JPH3: variants seen among roughly 807,000 people sequenced by gnomAD.
JPH3 encodes the protein junctophilin-3.
In JPH3, 11 loss-of-function variants were observed where a neutral mutation model predicts 59.6. The observed-to-expected ratio is 0.18, with a 90% CI of 0.12 to 0.31. The LOEUF is 0.31. Ranked by LOEUF, JPH3 falls within the 10% of genes least tolerant of loss-of-function variation. The pLI is 1.00. For missense variants in JPH3, 1,202 were observed against 1,105.7 expected (o/e 1.09, Z -1.24); for synonymous variants, 673 against 483.6 (o/e 1.39, Z -5.14).
chr16:87,615,217 C>A (rs2562065), intron 1 of JPH3, among the ~76,000 whole-genome samples: 38,691 of 152,154 alleles, frequency 0.25, 5,411 homozygotes, highest in Non-Finnish European at 0.33. Context: ...CCTAAGCGTG[C>A]CCAGATTGAT....
In JPH3 at chr16:87,650,563, T is replaced by C. The variant is rs1408677633; in HGVS notation, c.1160+5528T>C. 2.0e-5 allele frequency among the ~76,000 whole-genome samples: 3 copies of C among 152,330 alleles called. No homozygotes were observed. In the East Asian group the frequency reaches 5.8e-4, roughly 29 times the overall value. On this transcript the variant is annotated intron_variant, in intron 2 of 4. Transcript: ENST00000284262. Reference sequence around the variant, plus strand: ...GTGTCAAAAGCCGAGACAGGCCTCATGCACCAGGCAGCCTAGTTTTGAATG... The same window carrying C: ...GTGTCAAAAGCCGAGACAGGCCTCACGCACCAGGCAGCCTAGTTTTGAATG...
chr16:87,613,562 C>G (rs1311426888), intron 1 of JPH3, among the ~76,000 whole-genome samples: 1 of 152,138 alleles, frequency 6.6e-6, no homozygotes, highest in Non-Finnish European at 1.5e-5. Flanking sequence ...CTCAAGTGAT[C>G]CGCCCACCTC....
At chr16:87,693,202 C>T (rs1490124558) in intron 4 of JPH3, among the ~76,000 whole-genome samples, 1 of 152,210 alleles carries the variant, frequency 6.6e-6, no homozygotes, top group Non-Finnish European at 1.5e-5. Flanking sequence ...CGCCTCAGGT[C>T]CCTGATAGGC....
At chr16:87,674,161 C>T (rs556529182) in intron 2 of JPH3, among the ~76,000 whole-genome samples, 4 of 151,766 alleles carry the variant, frequency 2.6e-5, no homozygotes, top group African/African-American at 7.3e-5. Flanking sequence ...GGTGAAACCC[C>T]GTCTCTACTA....
In JPH3 at chr16:87,602,548, A is replaced by ACCG. The variant is rs1356941486; in HGVS notation, c.-584_-582dup. Reference sequence around the variant, plus strand: ...GCCCGGAGCGCACGCCGCCGCCGCCACCGCCGCCGCCGCCGCCCGAGCCGC... The same window carrying ACCG: ...GCCCGGAGCGCACGCCGCCGCCGCCACCGCCGCCGCCGCCGCCGCCCGAGCCGC... On this transcript the variant is annotated 5_prime_UTR_variant, in exon 1 of 5. Transcript: ENST00000284262. Among the ~76,000 whole-genome samples, 1,012 of 131,500 alleles carry ACCG rather than the reference A, an allele frequency of 7.7e-3. 9 individuals are homozygous for ACCG. Among genetic ancestry groups the ACCG allele is most frequent in the South Asian group, 0.031 (121 of 3,848 alleles). 86.3% of individuals were successfully genotyped at this position (131,500 alleles called of 152,430 possible). A position where few individuals can be genotyped will look rare whatever the true frequency, so the allele number is the denominator to read the frequency against.
chr16:87,650,847 T>TA (rs2032304994), intron 2 of JPH3, among the ~76,000 whole-genome samples: 2 of 152,240 alleles, frequency 1.3e-5, no homozygotes, highest in Non-Finnish European at 1.5e-5. Flanking sequence ...TTCCAGAACA[T>TA]AAAGTGCAAG....
rs78661943 is a variant in JPH3 at position 87,689,758 on chromosome 16, T to C, written c.1398T>C (p.Thr466=). The stretch of plus-strand genomic sequence containing the variant: ...CCGAGCTGTACCGCAAGGGCACCAC[T>C]CCCTCCGACCTGACCCCCGACGACA... The part of the protein sequence containing the change: ...ESPELYRKGT[T]PSDLTPDDSP... The change falls in exon 4 of 5, where the codon ACT becomes ACC. Residue 466 remains threonine, a synonymous_variant. Transcript: ENST00000284262. The C allele has an allele frequency of 3.8e-4, 614 of 1,610,632 alleles. 2 individuals are homozygous for C. The African/African-American group carries it at 7.1e-3, about 19-fold the overall frequency.
intron 1 of JPH3, among the ~76,000 whole-genome samples, chr16:87,632,663 C>T (rs1459555291): frequency 1.3e-5 from 2 of 152,148 alleles, no homozygotes; most frequent in East Asian, 1.9e-4. Flanking sequence ...GAGGCCAAGA[C>T]GGGTGGATCA....
chr16:87,642,065 T>C (rs1265963588), intron 1 of JPH3, among the ~76,000 whole-genome samples: 2 of 151,434 alleles, frequency 1.3e-5, no homozygotes, highest in East Asian at 3.9e-4. Context: ...AACAGAGCCT[T>C]GGACAGAAAA....
At chr16:87,676,246 C>G (rs559490975) in intron 2 of JPH3, among the ~76,000 whole-genome samples, 75 of 152,310 alleles carry the variant, frequency 4.9e-4, no homozygotes, top group African/African-American at 1.8e-3. Context: ...GAGCAAGGAC[C>G]TTGTTTGTGT....
At chr16:87,602,507 C>T (rs1185785690), upstream of JPH3, among the ~76,000 whole-genome samples, 1 of 136,676 alleles carries the variant, frequency 7.3e-6, no homozygotes, top group Non-Finnish European at 1.6e-5. Flanking sequence ...CCGCGCGGCC[C>T]GAGCGCGCGA....
intron 2 of JPH3, among the ~76,000 whole-genome samples, chr16:87,667,471 G>C (rs1403305914): frequency 6.6e-6 from 1 of 152,330 alleles, no homozygotes; most frequent in East Asian, 1.9e-4. Flanking sequence ...TGTTCAGAAA[G>C]ACAGAAGGAA....
chr16:87,662,425 ATTT>A (rs34067871), intron 2 of JPH3, among the ~76,000 whole-genome samples: 2 of 148,470 alleles, frequency 1.3e-5, no homozygotes, highest in Admixed American at 6.7e-5. Flanking sequence ...CTCGCGTCTG[ATTT>A]TTTTTTTTTA....
intron 4 of JPH3, chr16:87,695,839 C>T: frequency 2.2e-6 from 1 of 456,078 alleles, no homozygotes; most frequent in South Asian, 1.5e-5. Flanking sequence ...CTGGCCCCGG[C>T]AAGCACAGGG....
At position 87,644,322 on chromosome 16, in the gene JPH3, G is replaced by A. The variant is rs143803316; in HGVS notation, c.447G>A (p.Pro149=). 249 of 1,612,790 alleles carry A rather than the reference G, an allele frequency of 1.5e-4. 1 individual carries two copies. Among genetic ancestry groups the A allele is most frequent in the African/African-American group, 1.2e-3 (91 of 74,946 alleles). The part of the protein sequence containing the change: ...RQGYGVRQSV[P]YGMAAVIRSP... ...GCTACGGCGTCCGGCAGAGCGTCCC[G>A]TATGGCATGGCCGCGGTCATCCGCT... Residue 149 remains proline, a synonymous_variant, in exon 2 of 5, where the codon CCG becomes CCA. Coordinates refer to ENST00000284262, the MANE Select transcript of JPH3 (RefSeq NM_020655.4).
intron 1 of JPH3, among the ~76,000 whole-genome samples, chr16:87,642,464 T>A (rs1187926095): frequency 6.6e-6 from 1 of 152,166 alleles, no homozygotes; most frequent in Non-Finnish European, 1.5e-5. Context: ...AATCTCTTGG[T>A]TTTGAGTTGT....
At chr16:87,687,583 G>C (rs1390583162) in intron 3 of JPH3, among the ~76,000 whole-genome samples, 1 of 152,248 alleles carries the variant, frequency 6.6e-6, no homozygotes, top group African/African-American at 2.4e-5. Context: ...AGAGGCAGGA[G>C]GACTGAGCGT....
chr16:87,684,982 TAGG>T (rs2033382138), intron 3 of JPH3, among the ~76,000 whole-genome samples: 1 of 152,102 alleles, frequency 6.6e-6, no homozygotes, highest in Non-Finnish European at 1.5e-5. Context: ...AGAATGGGGT[TAGG>T]AGCGCGCCCC....
At chr16:87,681,598 G>A (rs1372300878) in intron 2 of JPH3, among the ~76,000 whole-genome samples, 1 of 144,370 alleles carries the variant, frequency 6.9e-6, no homozygotes, top group Non-Finnish European at 1.5e-5. Context: ...AGGTGCGCGC[G>A]GTGATGACAG....
Sources: gnomAD v4.1 joint callset for allele counts (sites outside exome capture counted in the v4.1 genomes callset) on GRCh38, gnomAD v4.1.1 for gene constraint, MANE v1.5 for transcripts, NCBI Gene and HGNC (gene_info 2026-07-23, HGNC 2026-07-21) for gene names.